PRKG1: variants seen among roughly 807,000 people sequenced by gnomAD.
The protein encoded by PRKG1 is cGMP-dependent protein kinase 1.
Under a neutral mutation model 88.1 loss-of-function variants are expected in PRKG1, and 35 were observed. The observed-to-expected ratio is 0.40, with a 90% confidence interval of 0.30 to 0.53. The LOEUF is 0.53. Ranked by LOEUF, PRKG1 falls within the 20% of genes least tolerant of loss-of-function variation. PRKG1 has a pLI of 0.59. For missense variants in PRKG1, 540 were observed against 839.8 expected, an observed-to-expected ratio of 0.64 and a Z score of 4.41; for synonymous variants, 303 against 292.5, an observed-to-expected ratio of 1.04 and a Z score of -0.37.
At chr10:51,142,526 TAG>T (rs199711366) in intron 1 of PRKG1, among the ~76,000 whole-genome samples, 22 of 149,124 alleles carry the variant, frequency 1.5e-4, no homozygotes, top group Admixed American at 2.0e-4. Context: ...GACACAGACA[TAG>T]AGAGAGAGAG....
chr10:51,111,931 A>G (rs191548151), intron 1 of PRKG1, among the ~76,000 whole-genome samples: 1 of 152,252 alleles, frequency 6.6e-6, no homozygotes, highest in East Asian at 1.9e-4. Context: ...TAGGGGTGCT[A>G]CTTCTTGCCA....
intron 2 of PRKG1, among the ~76,000 whole-genome samples, chr10:51,252,749 G>A (rs572793519): frequency 1.4e-4 from 22 of 151,832 alleles, no homozygotes. Context: ...GTTCTGAATG[G>A]CAGTTTCTTC....
intron 3 of PRKG1, among the ~76,000 whole-genome samples, chr10:51,520,850 G>T (rs1841718508): frequency 6.6e-6 from 1 of 152,172 alleles, no homozygotes; most frequent in Non-Finnish European, 1.5e-5. Context: ...TTAGTACTTG[G>T]ATGTATTACT....
intron 3 of PRKG1, among the ~76,000 whole-genome samples, chr10:51,718,872 T>A (rs1306369952): frequency 6.7e-6 from 1 of 148,668 alleles, no homozygotes; most frequent in Non-Finnish European, 1.5e-5. Context: ...CTAGGCCAGG[T>A]GTGGTGGCTC....
At chr10:51,893,796 C>T (rs1035535279) in intron 4 of PRKG1, among the ~76,000 whole-genome samples, 5 of 152,130 alleles carry the variant, frequency 3.3e-5, no homozygotes, top group African/African-American at 1.2e-4. Context: ...AGCTTCTCGG[C>T]TTTAAGTATC....
chr10:51,074,275 C>A (rs1843886989), upstream of PRKG1: 5 of 291,858 alleles, frequency 1.7e-5, no homozygotes, highest in South Asian at 4.0e-4. Context: ...CCCCCGCCAC[C>A]GCGCCTCCGA....
At chr10:52,189,698 TG>T (rs1839316055) in intron 9 of PRKG1, among the ~76,000 whole-genome samples, 1 of 152,224 alleles carries the variant, frequency 6.6e-6, no homozygotes, top group Non-Finnish European at 1.5e-5. Flanking sequence ...GGTTGGGGAC[TG>T]CTGCCCTAGA....
intron 2 of PRKG1, among the ~76,000 whole-genome samples, chr10:51,359,248 T>A (rs1842428758): frequency 6.6e-6 from 1 of 151,948 alleles, no homozygotes; most frequent in Admixed American, 6.6e-5. Context: ...ATATTATAAT[T>A]ATTTAAGTTA....
chr10:51,784,857 C>A (rs1280224662), intron 3 of PRKG1, among the ~76,000 whole-genome samples: 1 of 151,894 alleles, frequency 6.6e-6, no homozygotes, highest in Admixed American at 6.6e-5. Context: ...TTTGTTTTTG[C>A]CTCTCATCTT....
rs946041226 is a variant in PRKG1, at chr10:51,238,694, G to A, written c.478+85364G>A. Among the ~76,000 whole-genome samples, 7 of 151,854 alleles carry A rather than the reference G, an allele frequency of 4.6e-5. No homozygotes were observed. In the South Asian group the frequency reaches 1.3e-3, roughly 27 times the overall value. On this transcript the variant is annotated intron_variant, in intron 2 of 17. Transcript: ENST00000373980. ...GAGAATCTCTTAAACCTGGGAGGAC[G>A]AGGTTGCAGTGAGCCAAGATGGTTC...
intron 1 of PRKG1, among the ~76,000 whole-genome samples, chr10:51,084,082 CAGAT>C (rs1478103871): frequency 1.3e-5 from 2 of 152,112 alleles, no homozygotes; most frequent in African/African-American, 2.4e-5. Context: ...ATTCAGCTGA[CAGAT>C]AGTATGTTAA....
At chr10:52,008,686 T>C (rs1241903567) in intron 5 of PRKG1, among the ~76,000 whole-genome samples, 1 of 152,060 alleles carries the variant, frequency 6.6e-6, no homozygotes, top group East Asian at 1.9e-4. Context: ...TTCTACAAGA[T>C]GTATAAAGAA....
intron 6 of PRKG1, among the ~76,000 whole-genome samples, chr10:52,056,386 T>C (rs1370156348): frequency 1.3e-5 from 2 of 152,222 alleles, no homozygotes; most frequent in Admixed American, 6.5e-5. Flanking sequence ...GATGTGTTTA[T>C]CCTTTGAGAT....
At chr10:51,038,169 T>A (rs905728353) in intron 1 of PRKG1, among the ~76,000 whole-genome samples, 1 of 152,206 alleles carries the variant, frequency 6.6e-6, no homozygotes, top group Non-Finnish European at 1.5e-5. Context: ...ACTCTACACA[T>A]TGCGCAAACT....
chr10:51,762,155 T>C (rs1838037423), intron 3 of PRKG1, among the ~76,000 whole-genome samples: 1 of 152,164 alleles, frequency 6.6e-6, no homozygotes, highest in African/African-American at 2.4e-5. Flanking sequence ...CCATGGTCCA[T>C]GTGGTAGATG....
chr10:51,838,014 C>T (rs1840174607), intron 4 of PRKG1, among the ~76,000 whole-genome samples: 1 of 152,082 alleles, frequency 6.6e-6, no homozygotes, highest in Non-Finnish European at 1.5e-5. Flanking sequence ...AGTCCTGACT[C>T]TTATCTGGGA....
intron 3 of PRKG1, among the ~76,000 whole-genome samples, chr10:51,750,968 C>A (rs1197853794): frequency 6.6e-6 from 1 of 151,802 alleles, no homozygotes; most frequent in Non-Finnish European, 1.5e-5. Context: ...GACTATTTTT[C>A]ATCAGTGCCC....
chr10:51,171,135 G>T (rs1846693536), intron 2 of PRKG1, among the ~76,000 whole-genome samples: 1 of 152,122 alleles, frequency 6.6e-6, no homozygotes, highest in Non-Finnish European at 1.5e-5. Context: ...GACTGGAAAT[G>T]GTATGTGAGA....
chr10:51,222,123 C>T (rs1486623909), intron 2 of PRKG1, among the ~76,000 whole-genome samples: 1 of 93,194 alleles, frequency 1.1e-5, no homozygotes. Flanking sequence ...GTGATCCGCG[C>T]CCCCCCCCGA....
Sources: allele counts gnomAD v4.1 joint callset (sites outside exome capture counted in the v4.1 genomes callset), GRCh38; gene constraint gnomAD v4.1.1; transcripts MANE v1.5; gene names NCBI Gene and HGNC (gene_info 2026-07-23, HGNC 2026-07-21).